EPC1: variants seen among roughly 807,000 people sequenced by gnomAD.
EPC1 encodes the protein enhancer of polycomb 1.
In EPC1, 12 loss-of-function variants were observed where a neutral mutation model predicts 98.4. The observed-to-expected ratio is 0.12, with a 90% CI of 0.08 to 0.20. The LOEUF is 0.20. Among genes scored for constraint, EPC1 ranks in the 10% least tolerant of loss-of-function variants. The pLI is 1.00. For synonymous variants in EPC1, 357 were observed against 363.9 expected (o/e 0.98, Z 0.21); for missense variants, 729 against 990.5 (o/e 0.74, Z 3.54).
chr10:32,287,105 A>G lies in EPC1; in HGVS notation c.1145T>C (p.Leu382Pro). 4 of 1,614,098 alleles carry G rather than the reference A, an allele frequency of 2.5e-6. No homozygotes were observed. The highest frequency in any genetic ancestry group is 1.7e-5 in the Admixed American group (1 of 59,994). Reference sequence around the variant, plus strand: ...AGAGAATTGTATTTGTACCTGGGAGAGAGGTTCTTCGTCTGAGCTGGGAAA... The same window carrying G: ...AGAGAATTGTATTTGTACCTGGGAGGGAGGTTCTTCGTCTGAGCTGGGAAA... The part of the protein sequence containing the change: ...YDFPSSDEEP[L>P]SQVLSGSSEA... Residue 382 changes from leucine (L) to proline (P), a missense_variant, in exon 7 of 14, where the codon CTC becomes CCC. Physicochemically the swap from Leu to Pro is moderately conservative, Grantham distance 98 (BLOSUM62 -3). Around this residue, in one of 6 missense-constraint regions of EPC1, gnomAD observed 390 missense variants for 438.6 expected, o/e 0.89. Coordinates refer to ENST00000319778, the MANE Select transcript of EPC1 (RefSeq NM_001272004.3).
rs1835679351 is a variant in EPC1, at chr10:32,268,332, G to C, written c.*731C>G. ...CAGCTTTGTGGGCAAGTTGGGGATGGAAAGATTCAAGAGACTTCATTTTTA... is the reference window on the plus strand; with the variant it reads ...CAGCTTTGTGGGCAAGTTGGGGATGCAAAGATTCAAGAGACTTCATTTTTA... On this transcript the variant is annotated 3_prime_UTR_variant, in exon 14 of 14. Transcript: ENST00000319778. The C allele has an allele frequency of 6.6e-6, 1 of 151,966 alleles. No homozygotes were observed. The highest frequency in any genetic ancestry group is 2.4e-5 in the African/African-American group (1 of 41,350). 9.4% of individuals were successfully genotyped at this position (151,966 alleles called of 1,614,324 possible).
chr10:32,269,269 G>C, intron 13 of EPC1, 134 bp from the exon 14 acceptor site: 4 of 644,088 alleles, frequency 6.2e-6, no homozygotes, highest in Non-Finnish European at 1.1e-5. Context: ...CTAGCAAGTA[G>C]AGGAATACGA....
At chr10:32,371,485 AC>A (rs1337369290) in intron 1 of EPC1, among the ~76,000 whole-genome samples, 10 of 152,150 alleles carry the variant, frequency 6.6e-5, no homozygotes, top group African/African-American at 2.4e-4. Context: ...CTCTACTTTT[AC>A]CTACTTTAAA....
At chr10:32,287,359 T>C in intron 6 of EPC1, 85 bp from the exon 7 acceptor site, 1 of 1,377,032 alleles carries the variant, frequency 7.3e-7, no homozygotes, top group Admixed American at 1.8e-5. Context: ...AAAAGAAGTT[T>C]ATTGCTATAA....
intron 10 of EPC1, among the ~76,000 whole-genome samples, chr10:32,276,006 T>G (rs1471860647): frequency 6.6e-6 from 1 of 152,142 alleles, no homozygotes; most frequent in Non-Finnish European, 1.5e-5. Flanking sequence ...ATTGCTGTCT[T>G]CTACAGAGTC....
intron 1 of EPC1, chr10:32,374,299 A>G (rs1839827635): frequency 6.6e-6 from 1 of 151,526 alleles, no homozygotes; most frequent in South Asian, 2.1e-4. Context: ...CTTCATCTTC[A>G]CAGTTTATAT....
At chr10:32,308,847 G>A (rs1310874881) in intron 1 of EPC1, among the ~76,000 whole-genome samples, 4 of 152,140 alleles carry the variant, frequency 2.6e-5, no homozygotes, top group Non-Finnish European at 5.9e-5. Flanking sequence ...GTTTACTGCA[G>A]TACTTTTCAC....
chr10:32,300,562 T>C (rs1835453297), intron 2 of EPC1, among the ~76,000 whole-genome samples: 1 of 151,444 alleles, frequency 6.6e-6, no homozygotes, highest in Non-Finnish European at 1.5e-5. Context: ...GCCTCCCGAG[T>C]AGCTGGGATT....
intron 1 of EPC1, among the ~76,000 whole-genome samples, chr10:32,353,650 C>T (rs886479202): frequency 2.0e-5 from 3 of 152,102 alleles, no homozygotes; most frequent in African/African-American, 7.2e-5. Context: ...TACATCCTCA[C>T]GGGACTAATA....
intron 2 of EPC1, among the ~76,000 whole-genome samples, chr10:32,296,647 C>T (rs1592562765): frequency 6.6e-6 from 1 of 152,116 alleles, no homozygotes; most frequent in Admixed American, 6.5e-5. Flanking sequence ...TAGTGGCTCA[C>T]GCCTGTAATC....
At chr10:32,348,342 ATTTGTATCTTAGTGCACAAT>A (rs1160284224), upstream of EPC1, among the ~76,000 whole-genome samples, 19 of 152,292 alleles carry the variant, frequency 1.2e-4, no homozygotes, top group African/African-American at 4.3e-4. Context: ...TCGAGTTTCA[ATTTGTATCTTAGTGCACAAT>A]TTTGTATCTT....
chr10:32,375,912 C>A (rs1320058213), intron 1 of EPC1, among the ~76,000 whole-genome samples: 1 of 151,824 alleles, frequency 6.6e-6, no homozygotes, highest in African/African-American at 2.4e-5. Context: ...TGTTATAATT[C>A]TAATCACAAT....
At chr10:32,325,668 T>C (rs1361242251) in intron 1 of EPC1, among the ~76,000 whole-genome samples, 2 of 152,202 alleles carry the variant, frequency 1.3e-5, no homozygotes, top group Non-Finnish European at 2.9e-5. Flanking sequence ...AAAGTTTGTA[T>C]CATGCATTAA....
At chr10:32,287,298 T>C in intron 6 of EPC1, 24 bp from the exon 7 acceptor site, 1 of 1,610,998 alleles carries the variant, frequency 6.2e-7, no homozygotes, top group South Asian at 1.1e-5. Flanking sequence ...ATGAATTAAT[T>C]ATACACCAGA....
rs1015578514 is a variant in EPC1 at position 32,267,894 on chromosome 10, G to C, written c.*1169C>G. 2.6e-5 allele frequency: 4 copies of C among 152,182 alleles called. No homozygotes were observed. Among genetic ancestry groups the C allele is most frequent in the Non-Finnish European group, 4.4e-5 (3 of 68,038 alleles). 9.4% of individuals were successfully genotyped at this position (152,182 alleles called of 1,614,324 possible). Reference sequence around the variant, plus strand: ...CGGTACTGACAAAGCACTAGTAGTAGTCTGTTAAGTACCATTCTCTTCACA... The same window carrying C: ...CGGTACTGACAAAGCACTAGTAGTACTCTGTTAAGTACCATTCTCTTCACA... On this transcript the variant is annotated 3_prime_UTR_variant, in exon 14 of 14. Coordinates refer to ENST00000319778, the MANE Select transcript of EPC1 (RefSeq NM_001272004.3).
intron 1 of EPC1, among the ~76,000 whole-genome samples, chr10:32,336,722 T>C (rs1008050458): frequency 6.6e-6 from 1 of 152,116 alleles, no homozygotes; most frequent in African/African-American, 2.4e-5. Context: ...ATGCATCTTT[T>C]CTCATTTATC....
At chr10:32,338,241 G>A (rs11008889) in intron 1 of EPC1, among the ~76,000 whole-genome samples, 2 of 151,918 alleles carry the variant, frequency 1.3e-5, no homozygotes, top group Non-Finnish European at 2.9e-5. Context: ...GTTCATCCTC[G>A]GATTCTCTCT....
chr10:32,347,026 G>A lies in EPC1; in HGVS notation c.-111C>T. 6.7e-7 allele frequency: 1 copy of A among 1,501,686 alleles called. No individual in the cohort carries two copies. The highest frequency in any genetic ancestry group is 2.4e-5 in the East Asian group (1 of 41,840). The allele number at this position is 1,501,686 out of a possible 1,614,324, so 93.0% of individuals were successfully genotyped here. A position where few individuals can be genotyped will look rare whatever the true frequency, so the allele number is the denominator to read the frequency against. ...GCCAACCGCTGCCGGGGACTTGAGG[G>A]GCGGAGCGCAGAGCCCGCCGTCCGG... On this transcript the variant is annotated 5_prime_UTR_variant, in exon 1 of 14. Coordinates refer to ENST00000319778, the MANE Select transcript of EPC1 (RefSeq NM_001272004.3).
At chr10:32,306,256 T>C (rs929567724) in intron 1 of EPC1, among the ~76,000 whole-genome samples, 21 of 152,222 alleles carry the variant, frequency 1.4e-4, no homozygotes, top group African/African-American at 5.1e-4. Flanking sequence ...GTTAAAACAT[T>C]TGAACTTGTT....
Sources: gnomAD v4.1 joint callset for allele counts (sites outside exome capture counted in the v4.1 genomes callset) on GRCh38, gnomAD v4.1.1 for gene constraint, gnomAD v4.1.1 regional missense constraint, MANE v1.5 for transcripts, NCBI Gene and HGNC (gene_info 2026-07-23, HGNC 2026-07-21) for gene names.